The following NRG3 variants were observed in gnomAD, a reference collection of about 807,000 sequenced individuals.
NRG3 encodes pro-neuregulin-3, membrane-bound isoform.
In NRG3, 31 loss-of-function variants were observed where a neutral mutation model predicts 66.9. That is an observed-to-expected ratio of 0.46 (90% CI 0.35 to 0.63). The LOEUF is 0.63. Among genes scored for constraint, NRG3 ranks in the 20% least tolerant of loss-of-function variants. The pLI is 0.00. For synonymous variants in NRG3, 393 were observed against 359.4 expected, an observed-to-expected ratio of 1.09 and a Z score of -1.06; for missense variants, 910 against 878.9, an observed-to-expected ratio of 1.04 and a Z score of -0.45.
At chr10:82,480,079 T>C (rs1842136796) in intron 2 of NRG3, among the ~76,000 whole-genome samples, 1 of 152,246 alleles carries the variant, frequency 6.6e-6, no homozygotes, top group East Asian at 1.9e-4. Context: ...TCTGCTATGA[T>C]AAATGAAAGA....
intron 3 of NRG3, among the ~76,000 whole-genome samples, chr10:82,801,202 A>G (rs1388499513): frequency 6.6e-6 from 1 of 152,178 alleles, no homozygotes; most frequent in Non-Finnish European, 1.5e-5. Flanking sequence ...CTGGAGGTAC[A>G]TATTTTAAAC....
At chr10:82,796,881 G>A (rs59491326) in intron 3 of NRG3, among the ~76,000 whole-genome samples, 4,607 of 152,088 alleles carry the variant, frequency 0.03, 200 homozygotes, top group African/African-American at 0.1. Context: ...GAAGGAGAAT[G>A]AAAACAGAAT....
intron 2 of NRG3, among the ~76,000 whole-genome samples, chr10:82,630,513 T>C (rs2049748947): frequency 6.6e-6 from 1 of 151,938 alleles, no homozygotes; most frequent in African/African-American, 2.4e-5. Flanking sequence ...TTATTTTCAG[T>C]GTAAGAATTT....
chr10:82,781,187 G>C (rs1241707747), intron 3 of NRG3, among the ~76,000 whole-genome samples: 1 of 152,102 alleles, frequency 6.6e-6, no homozygotes, highest in Non-Finnish European at 1.5e-5. Flanking sequence ...TCCTCCTATG[G>C]TTGTCTGTTG....
intron 2 of NRG3, among the ~76,000 whole-genome samples, chr10:82,477,077 G>A (rs1841850894): frequency 6.6e-6 from 1 of 152,136 alleles, no homozygotes; most frequent in Non-Finnish European, 1.5e-5. Flanking sequence ...AACTAGTGCT[G>A]CAGAAGCTGA....
intron 1 of NRG3, among the ~76,000 whole-genome samples, chr10:82,259,696 G>A (rs974599974): frequency 3.3e-5 from 5 of 152,180 alleles, no homozygotes. Flanking sequence ...GAAAGGCAGA[G>A]GTGGAAGGAT....
chr10:82,710,671 A>G (rs1277632325), intron 2 of NRG3, among the ~76,000 whole-genome samples: 10 of 150,880 alleles, frequency 6.6e-5, no homozygotes, highest in African/African-American at 2.4e-4. Context: ...CATTTATTCA[A>G]TTATTAGCTC....
intron 2 of NRG3, among the ~76,000 whole-genome samples, chr10:82,590,263 T>C (rs1231432188): frequency 6.6e-6 from 1 of 152,176 alleles, no homozygotes; most frequent in Admixed American, 6.5e-5. Context: ...CTTGTAAGTA[T>C]GAAGTATTAA....
chr10:82,650,611 C>T (rs2051336265), intron 2 of NRG3, among the ~76,000 whole-genome samples: 1 of 152,174 alleles, frequency 6.6e-6, no homozygotes, highest in Non-Finnish European at 1.5e-5. Context: ...CTACTGATTG[C>T]ATGTCATGGA....
At chr10:82,008,603 C>A (rs992504362) in intron 1 of NRG3, among the ~76,000 whole-genome samples, 1 of 152,180 alleles carries the variant, frequency 6.6e-6, no homozygotes, top group African/African-American at 2.4e-5. Flanking sequence ...AAGATCATGG[C>A]TACCTGTGTA....
chr10:82,899,796 C>T (rs1844032317), intron 4 of NRG3, among the ~76,000 whole-genome samples: 1 of 152,154 alleles, frequency 6.6e-6, no homozygotes, highest in South Asian at 2.1e-4. Flanking sequence ...ATAAATTAGA[C>T]ATCCTCAAGT....
At position 82,606,536 on chromosome 10, in the gene NRG3, T is replaced by G. The variant is rs115715702; in HGVS notation, c.954-132041T>G. Among the ~76,000 whole-genome samples the G allele has an allele frequency of 2.7e-3, 404 of 152,296 alleles. 1 individual carries two copies. The highest frequency in any genetic ancestry group is 9.3e-3 in the African/African-American group (387 of 41,562). Reference sequence around the variant, plus strand: ...TAGATGACAATTAGATCTAGTTGATTGATGTTGCTGTTCATTTAAACTATG... The same window carrying G: ...TAGATGACAATTAGATCTAGTTGATGGATGTTGCTGTTCATTTAAACTATG... On this transcript the variant is annotated intron_variant, in intron 2 of 8. Transcript: ENST00000372141.
chr10:82,862,801 A>G (rs1591761790), intron 3 of NRG3, among the ~76,000 whole-genome samples: 1 of 152,196 alleles, frequency 6.6e-6, no homozygotes, highest in Admixed American at 6.5e-5. Context: ...GCTACTGACA[A>G]TAGTCTTGCC....
intron 2 of NRG3, among the ~76,000 whole-genome samples, chr10:82,700,519 T>G (rs960130989): frequency 7.2e-5 from 11 of 152,298 alleles, no homozygotes; most frequent in Non-Finnish European, 1.2e-4. Context: ...CAGAGCCTGT[T>G]GAGAAGTGGA....
chr10:82,916,803 A>G (rs1306285338), intron 4 of NRG3, among the ~76,000 whole-genome samples: 1 of 152,066 alleles, frequency 6.6e-6, no homozygotes, highest in Non-Finnish European at 1.5e-5. Flanking sequence ...TTTAGTAGAG[A>G]TGGAGTTTCA....
At chr10:82,873,284 G>A (rs1841508570) in intron 4 of NRG3, among the ~76,000 whole-genome samples, 1 of 152,154 alleles carries the variant, frequency 6.6e-6, no homozygotes. Context: ...TTGAAACAAA[G>A]AGAGTTGATA....
intron 1 of NRG3, among the ~76,000 whole-genome samples, chr10:82,190,447 A>T (rs2074072378): frequency 6.6e-6 from 1 of 152,182 alleles, no homozygotes; most frequent in African/African-American, 2.4e-5. Flanking sequence ...AACATATGCA[A>T]AGTTGATATC....
chr10:81,885,525 A>G (rs751591544), intron 1 of NRG3, among the ~76,000 whole-genome samples: 1 of 152,166 alleles, frequency 6.6e-6, no homozygotes, highest in Non-Finnish European at 1.5e-5. Context: ...AGACCCAATC[A>G]TTGCTTACTT....
chr10:82,963,289 C>T (rs1850859224), intron 6 of NRG3, among the ~76,000 whole-genome samples: 1 of 152,142 alleles, frequency 6.6e-6, no homozygotes, highest in African/African-American at 2.4e-5. Context: ...AACCTGAGAG[C>T]ATAGACTTAA....
Sources: allele counts gnomAD v4.1 joint callset (sites outside exome capture counted in the v4.1 genomes callset), GRCh38; gene constraint gnomAD v4.1.1; transcripts MANE v1.5; gene names NCBI Gene and HGNC (gene_info 2026-07-23, HGNC 2026-07-21).